Variants in TMEM236 observed in about 807,000 individuals in gnomAD.
TMEM236 encodes transmembrane protein 236, also known as family with sequence similarity 23, member A.
Under a neutral mutation model 14.7 loss-of-function variants are expected in TMEM236, and 11 were observed. The ratio of observed to expected loss-of-function variants is 0.75; its 90% CI spans 0.47 to 1.24. The LOEUF (loss-of-function observed/expected upper bound fraction) is 1.24, where lower values mean the gene tolerates loss of function less well. Ranked by LOEUF, TMEM236 falls within the 50% of genes most tolerant of loss-of-function variation. The probability of loss-of-function intolerance (pLI) is 0.00; values close to 1 mark genes in which losing one functional copy is unlikely to be tolerated. For missense variants in TMEM236, 464 were observed against 427.3 expected (o/e 1.09, Z -0.76); for synonymous variants, 182 against 168.6 (o/e 1.08, Z -0.62).
chr10:17,793,340 A>C (rs911063435), intron 3 of TMEM236, among the ~76,000 whole-genome samples: 3 of 152,332 alleles, frequency 2.0e-5, no homozygotes, highest in African/African-American at 7.2e-5. Context: ...CAAAAGCCCA[A>C]ATTATACACT....
intron 3 of TMEM236, among the ~76,000 whole-genome samples, chr10:17,777,229 T>C (rs371513879): frequency 0.046 from 6,998 of 152,230 alleles, 217 homozygotes; most frequent in Non-Finnish European, 0.069. Context: ...CCTGTCACTT[T>C]GTACTTCATC....
rs929025691 is a variant in TMEM236 at position 17,757,118 on chromosome 10, A to G, written c.257+4566A>G. Among the ~76,000 whole-genome samples the G allele has an allele frequency of 5.3e-3, 804 of 152,284 alleles. 37 individuals carry two copies. The East Asian group carries it at 0.1, about 20-fold the overall frequency. ...CCTTCTGGCCACATTCGTGAGCATT[A>G]TCATATAGTTATCTTTTACTGGCAT... On this transcript the variant is annotated intron_variant, in intron 1 of 3. Transcript: ENST00000377495.
chr10:17,794,678 A>G (rs2131769356), intron 3 of TMEM236, among the ~76,000 whole-genome samples: 1 of 152,282 alleles, frequency 6.6e-6, no homozygotes, highest in East Asian at 1.9e-4. Flanking sequence ...AATCTTTGCA[A>G]AAGAACAGCT....
rs954153289 is a variant in TMEM236 at position 17,757,324 on chromosome 10, A to G, written c.257+4772A>G. Among the ~76,000 whole-genome samples, 8 of 152,328 alleles carry G rather than the reference A, an allele frequency of 5.3e-5. No individual in the cohort carries two copies. The South Asian group carries it at 1.5e-3, about 28-fold the overall frequency. ...ATAAAGCTAGCAAGTGGAGCCAGGC[A>G]TGGTAGCTCCTGCCTGTAATCCCAA... On this transcript the variant is annotated intron_variant, in intron 1 of 3. Transcript: ENST00000377495.
At chr10:17,795,758 G>A (rs900514610) in intron 3 of TMEM236, among the ~76,000 whole-genome samples, 163 bp from the exon 4 acceptor site, 2 of 152,082 alleles carry the variant, frequency 1.3e-5, no homozygotes, top group African/African-American at 4.8e-5. Context: ...TGCATGTCCT[G>A]CACATGTATC....
At position 17,798,809 on chromosome 10, in the gene TMEM236, T is replaced by G. The variant is rs907326602; in HGVS notation, c.*2305T>G. 76 of 412,790 alleles carry G rather than the reference T, an allele frequency of 1.8e-4. No individual in the cohort carries two copies. The highest frequency in any genetic ancestry group is 3.5e-4 in the Non-Finnish European group (70 of 202,894). 25.6% of individuals were successfully genotyped at this position (412,790 alleles called of 1,614,324 possible). A position where few individuals can be genotyped will look rare whatever the true frequency, so the allele number is the denominator to read the frequency against. On this transcript the variant is annotated 3_prime_UTR_variant, in exon 4 of 4. Coordinates refer to ENST00000377495, the MANE Select transcript of TMEM236 (RefSeq NM_001098844.3). ...GGAGGGTTAAAGGGTAAAGAGTCCT[T>G]TGAGCACATTTTCTGGCAAACCATA...
rs936052960 is a variant in TMEM236, at chr10:17,800,856, A to G, written c.*4352A>G. 2 of 152,214 alleles carry G rather than the reference A, an allele frequency of 1.3e-5. No homozygotes were observed. The highest frequency in any genetic ancestry group is 6.5e-5 in the Admixed American group (1 of 15,278). The allele number at this position is 152,214 out of a possible 1,614,324, so 9.4% of individuals were successfully genotyped here. A position where few individuals can be genotyped will look rare whatever the true frequency, so the allele number is the denominator to read the frequency against. On this transcript the variant is annotated 3_prime_UTR_variant, in exon 4 of 4. Coordinates refer to ENST00000377495, the MANE Select transcript of TMEM236 (RefSeq NM_001098844.3). ...GTTTTTACATGTTAATTAAAATTCT[A>G]TGTTTAAACAAATCTCTTGTGATGG... is the stretch of plus-strand genomic sequence containing the variant.
At chr10:17,763,472 A>T (rs894713620) in intron 1 of TMEM236, among the ~76,000 whole-genome samples, 3 of 152,084 alleles carry the variant, frequency 2.0e-5, no homozygotes, top group Non-Finnish European at 4.4e-5. Flanking sequence ...AGTAAGGGAG[A>T]TGTCCTATTT....
At chr10:17,789,884 C>A (rs1008710966) in intron 3 of TMEM236, among the ~76,000 whole-genome samples, 1 of 151,114 alleles carries the variant, frequency 6.6e-6, no homozygotes, top group Admixed American at 6.6e-5. Flanking sequence ...ATTAGCCGGG[C>A]GTGGGGGCGG....
chr10:17,764,244 A>G (rs1837423597), intron 1 of TMEM236, among the ~76,000 whole-genome samples: 1 of 152,194 alleles, frequency 6.6e-6, no homozygotes, highest in Non-Finnish European at 1.5e-5. Flanking sequence ...CACAAACAGG[A>G]ATTTGTAACC....
At chr10:17,763,034 C>T (rs1837402493) in intron 1 of TMEM236, among the ~76,000 whole-genome samples, 1 of 152,124 alleles carries the variant, frequency 6.6e-6, no homozygotes, top group Non-Finnish European at 1.5e-5. Flanking sequence ...GTACTGCCTC[C>T]ATCCTCAGGG....
chr10:17,786,277 A>C (rs1412471860), intron 3 of TMEM236, among the ~76,000 whole-genome samples: 1 of 152,236 alleles, frequency 6.6e-6, no homozygotes, highest in Non-Finnish European at 1.5e-5. Flanking sequence ...CATTAAAGGC[A>C]TAGGTCACTG....
chr10:17,795,468 C>A (rs1301387858), intron 3 of TMEM236, among the ~76,000 whole-genome samples: 1 of 151,916 alleles, frequency 6.6e-6, no homozygotes, highest in Non-Finnish European at 1.5e-5. Context: ...AGCTTAGAAA[C>A]CAATAATGTT....
chr10:17,796,544 G>A lies in TMEM236; in HGVS notation c.*40G>A. 6.7e-7 allele frequency: 1 copy of A among 1,500,044 alleles called. No homozygotes were observed. Among genetic ancestry groups the A allele is most frequent in the Non-Finnish European group, 9.3e-7 (1 of 1,077,066 alleles). The allele number at this position is 1,500,044 out of a possible 1,614,324, so 92.9% of individuals were successfully genotyped here. A position where few individuals can be genotyped will look rare whatever the true frequency, so the allele number is the denominator to read the frequency against. On this transcript the variant is annotated 3_prime_UTR_variant, in exon 4 of 4. Coordinates refer to ENST00000377495, the MANE Select transcript of TMEM236 (RefSeq NM_001098844.3). The stretch of plus-strand genomic sequence containing the variant: ...CTAGTAAGGCCTCTTTGTGATACCT[G>A]TGTGCACATTTGTAATCCTTCTTTT...
intron 3 of TMEM236, among the ~76,000 whole-genome samples, chr10:17,780,047 A>G (rs1256320028): frequency 6.6e-6 from 1 of 152,106 alleles, no homozygotes; most frequent in Non-Finnish European, 1.5e-5. Context: ...TTTTTCTTGG[A>G]AACAACAGCC....
intron 1 of TMEM236, among the ~76,000 whole-genome samples, chr10:17,752,769 G>A (rs1176981272): frequency 6.6e-6 from 1 of 151,972 alleles, no homozygotes; most frequent in Non-Finnish European, 1.5e-5. Context: ...TTTTTGCCAT[G>A]TTGGCCAGGC....
intron 1 of TMEM236, among the ~76,000 whole-genome samples, chr10:17,766,162 T>C (rs1554834305): frequency 6.6e-6 from 1 of 152,212 alleles, no homozygotes; most frequent in Non-Finnish European, 1.5e-5. Context: ...TTTTTCAACT[T>C]ATCTCTCTTT....
intron 3 of TMEM236, among the ~76,000 whole-genome samples, chr10:17,779,235 T>TA (rs1362428469): frequency 6.6e-6 from 1 of 152,028 alleles, no homozygotes; most frequent in African/African-American, 2.4e-5. Flanking sequence ...TACGGAGAGA[T>TA]AGATAGGTTG....
chr10:17,765,914 G>T (rs1354203212), intron 1 of TMEM236, among the ~76,000 whole-genome samples: 1 of 152,172 alleles, frequency 6.6e-6, no homozygotes, highest in Non-Finnish European at 1.5e-5. Context: ...CAGCCAAATA[G>T]CTCCATCAAC....
Sources: gnomAD v4.1 joint callset for allele counts (sites outside exome capture counted in the v4.1 genomes callset) on GRCh38, gnomAD v4.1.1 for gene constraint, MANE v1.5 for transcripts, NCBI Gene and HGNC (gene_info 2026-07-23, HGNC 2026-07-21) for gene names.